The following NAV2 variants were observed in gnomAD, a reference collection of about 807,000 sequenced individuals.
NAV2 encodes helicase, APC down-regulated 1.
A neutral mutation model predicts 223.2 loss-of-function variants in NAV2; 54 were observed. The ratio of observed to expected loss-of-function variants is 0.24; its 90% CI spans 0.19 to 0.30. NAV2 has a LOEUF of 0.30. Among genes scored for constraint, NAV2 ranks in the 10% least tolerant of loss-of-function variants. The probability of loss-of-function intolerance (pLI) is 1.00; values close to 1 mark genes in which losing one functional copy is unlikely to be tolerated. For missense variants in NAV2, 2,806 were observed against 3,147.5 expected, an observed-to-expected ratio of 0.89 and a Z score of 2.60; for synonymous variants, 1,279 against 1,239.3, an observed-to-expected ratio of 1.03 and a Z score of -0.67.
At chr11:19,385,753 CTTTTTTTTTTTTT>C (rs201669772) in intron 1 of NAV2, among the ~76,000 whole-genome samples, 75,247 of 114,196 alleles carry the variant, frequency 0.66, 23,646 homozygotes, top group Admixed American at 0.74. Flanking sequence ...AATATAGCTC[CTTTTTTTTTTTTT>C]TTTTTTTTTT....
intron 12 of NAV2, among the ~76,000 whole-genome samples, chr11:20,040,163 G>C (rs2056777786): frequency 6.6e-6 from 1 of 152,172 alleles, no homozygotes; most frequent in Non-Finnish European, 1.5e-5. Context: ...GCTTAAACTT[G>C]AGCCAGCTCA....
chr11:19,433,879 A>G (rs1851119796), intron 1 of NAV2, among the ~76,000 whole-genome samples: 2 of 152,254 alleles, frequency 1.3e-5, no homozygotes, highest in African/African-American at 4.8e-5. Context: ...GTCTCAAAAA[A>G]TAGAAATGTA....
intron 7 of NAV2, among the ~76,000 whole-genome samples, chr11:19,937,032 G>A (rs561634882): frequency 1.3e-4 from 20 of 152,094 alleles, no homozygotes; most frequent in South Asian, 2.1e-4. Context: ...CAACTACTCC[G>A]GAGGCTGAGG....
At chr11:19,373,324 G>A (rs1848533001) in intron 1 of NAV2, among the ~76,000 whole-genome samples, 1 of 152,120 alleles carries the variant, frequency 6.6e-6, no homozygotes, top group African/African-American at 2.4e-5. Flanking sequence ...CCCCCACCTG[G>A]AAGTCTGAGA....
chr11:19,557,757 C>A (rs2044948983), intron 1 of NAV2, among the ~76,000 whole-genome samples: 1 of 152,190 alleles, frequency 6.6e-6, no homozygotes. Context: ...AGGTGAGAAG[C>A]ATAGGGTGGG....
intron 1 of NAV2, among the ~76,000 whole-genome samples, chr11:19,571,162 G>A (rs1487472314): frequency 1.3e-5 from 2 of 152,190 alleles, no homozygotes; most frequent in Non-Finnish European, 2.9e-5. Flanking sequence ...AAAACATTAT[G>A]TTAAGTGAAA....
chr11:19,729,204 G>A (rs993283432), intron 1 of NAV2, among the ~76,000 whole-genome samples: 24 of 152,168 alleles, frequency 1.6e-4, no homozygotes, highest in African/African-American at 5.8e-4. Flanking sequence ...GGGAAGGAGG[G>A]AACTGGGTGA....
intron 1 of NAV2, among the ~76,000 whole-genome samples, chr11:19,497,302 G>T (rs10833126): frequency 1.3e-5 from 2 of 152,212 alleles, no homozygotes; most frequent in East Asian, 3.8e-4. Context: ...TGTAAGTGCC[G>T]TATAAGAATT....
rs140953781 is a variant in NAV2 at position 20,093,115 on chromosome 11, C to T, written c.5832C>T (p.Asp1944=). The T allele has an allele frequency of 4.3e-6, 7 of 1,613,738 alleles. No homozygotes were observed. Among genetic ancestry groups the T allele is most frequent in the African/African-American group, 2.7e-5 (2 of 74,866 alleles). Residue 1944 remains aspartate, a synonymous_variant, in exon 29 of 38, where the codon GAC becomes GAT. Transcript: ENST00000349880. The part of the protein sequence containing the change: ...ESTSLDMLLD[D]TGECSARKEG... Reference sequence around the variant, plus strand: ...CATTCGCAGACATGTTGCTGGATGACACTGGTGAATGCTCGGCTCGGAAGG... The same window carrying T: ...CATTCGCAGACATGTTGCTGGATGATACTGGTGAATGCTCGGCTCGGAAGG...
intron 1 of NAV2, among the ~76,000 whole-genome samples, chr11:19,582,941 G>C (rs1434120734): frequency 6.6e-6 from 1 of 152,192 alleles, no homozygotes; most frequent in African/African-American, 2.4e-5. Flanking sequence ...GATGGAGATG[G>C]CATTGAATCT....
chr11:19,581,902 A>G (rs1251320157), intron 1 of NAV2, among the ~76,000 whole-genome samples: 2 of 152,184 alleles, frequency 1.3e-5, no homozygotes, highest in Non-Finnish European at 2.9e-5. Context: ...GCTGGGTCAA[A>G]TGGTATTTCT....
At chr11:19,495,041 G>A (rs955932068) in intron 1 of NAV2, among the ~76,000 whole-genome samples, 3 of 152,192 alleles carry the variant, frequency 2.0e-5, no homozygotes, top group African/African-American at 7.2e-5. Context: ...CTTGAAGCAG[G>A]CAGGCCTTAG....
intron 1 of NAV2, among the ~76,000 whole-genome samples, chr11:19,630,588 C>G (rs538396783): frequency 6.6e-6 from 1 of 152,140 alleles, no homozygotes; most frequent in African/African-American, 2.4e-5. Context: ...CAATACTACA[C>G]TTAATCAAAG....
intron 1 of NAV2, among the ~76,000 whole-genome samples, chr11:19,433,985 G>A (rs548139846): frequency 2.0e-5 from 3 of 152,320 alleles, no homozygotes; most frequent in African/African-American, 7.2e-5. Context: ...GGAAGAGAGA[G>A]CAAGAAGTAT....
rs140900003 is a variant in NAV2 at position 20,063,135 on chromosome 11, A to G, written c.4884+776A>G. On this transcript the variant is annotated intron_variant, in intron 20 of 37. Transcript: ENST00000349880. The stretch of plus-strand genomic sequence containing the variant: ...CAAGGACATTTTTGTTTTTATTCCT[A>G]GTGCCTAGAACAGTACCTAGCACGT... Among the ~76,000 whole-genome samples the G allele has an allele frequency of 4.6e-3, 706 of 152,332 alleles. 6 individuals are homozygous for G. Among genetic ancestry groups the G allele is most frequent in the African/African-American group, 0.017 (690 of 41,572 alleles).
chr11:19,417,223 C>T (rs1850409406), intron 1 of NAV2, among the ~76,000 whole-genome samples: 1 of 152,176 alleles, frequency 6.6e-6, no homozygotes, highest in Admixed American at 6.5e-5. Flanking sequence ...TGTCCAGAAT[C>T]TATAAGGAAC....
At chr11:19,917,720 C>T (rs943231178) in intron 6 of NAV2, among the ~76,000 whole-genome samples, 3 of 152,240 alleles carry the variant, frequency 2.0e-5, no homozygotes, top group African/African-American at 7.2e-5. Context: ...TCAAGTGATT[C>T]TCCTGCCTCA....
At chr11:19,476,063 C>T (rs2042105411) in intron 1 of NAV2, among the ~76,000 whole-genome samples, 1 of 152,164 alleles carries the variant, frequency 6.6e-6, no homozygotes, top group African/African-American at 2.4e-5. Context: ...TAACCTCCGC[C>T]TCCTGGGTTC....
chr11:19,546,664 G>A (rs561696404), intron 1 of NAV2, among the ~76,000 whole-genome samples: 1 of 152,220 alleles, frequency 6.6e-6, no homozygotes, highest in South Asian at 2.1e-4. Flanking sequence ...ACTGCCTTGG[G>A]GAATGTAAGA....
Sources: allele counts gnomAD v4.1 joint callset (sites outside exome capture counted in the v4.1 genomes callset), GRCh38; gene constraint gnomAD v4.1.1; transcripts MANE v1.5; gene names NCBI Gene and HGNC (gene_info 2026-07-23, HGNC 2026-07-21).